KDM1B: variants seen among roughly 807,000 people sequenced by gnomAD.
The protein encoded by KDM1B is lysine demethylase 1B, also known as lysine-specific histone demethylase 2.
Under a neutral mutation model 107.4 loss-of-function variants are expected in KDM1B, and 63 were observed. The ratio of observed to expected loss-of-function variants is 0.59; its 90% confidence interval spans 0.48 to 0.72. The LOEUF (loss-of-function observed/expected upper bound fraction) is 0.72, where lower values mean the gene tolerates loss of function less well. Among genes scored for constraint, KDM1B ranks in the 30% least tolerant of loss-of-function variants. The pLI is 0.00. For missense variants in KDM1B, 749 were observed against 1,020.8 expected (o/e 0.73, Z 3.63); for synonymous variants, 363 against 363.9 (o/e 1.00, Z 0.03).
intron 12 of KDM1B, among the ~76,000 whole-genome samples, chr6:18,198,584 G>A (rs2150965131): frequency 7.6e-6 from 1 of 131,348 alleles, no homozygotes; most frequent in South Asian, 2.5e-4. Flanking sequence ...CTTGCAGTGA[G>A]CCAAGATTGC....
rs1748135 is a variant in KDM1B at position 18,186,897 on chromosome 6, A to G, written c.574-895A>G. Among the ~76,000 whole-genome samples the G allele has an allele frequency of 0.1, 15,890 of 152,010 alleles. 922 individuals carry two copies. The highest frequency in any genetic ancestry group is 0.22 in the South Asian group (1,054 of 4,808). On this transcript the variant is annotated intron_variant, in intron 8 of 21. Coordinates refer to ENST00000650836, the MANE Select transcript of KDM1B (RefSeq NM_001364614.2). This position sits in a 1 kb window ranked among gnomAD's most constrained non-coding sequence, Gnocchi z 5.6. ...CCCTGCCATGACACATGGGGATTATAGGAACTACAATTCAAGATGAGATTT... is the reference window on the plus strand; with the variant it reads ...CCCTGCCATGACACATGGGGATTATGGGAACTACAATTCAAGATGAGATTT...
chr6:18,161,211 C>A, intron 3 of KDM1B, 116 bp from the exon 4 acceptor site: 2 of 851,906 alleles, frequency 2.3e-6, no homozygotes, highest in Non-Finnish European at 3.8e-6. Context: ...AACCTACTGC[C>A]ATGATGTTTT....
chr6:18,217,070 T>A (rs1432650816), intron 20 of KDM1B, among the ~76,000 whole-genome samples: 1 of 127,604 alleles, frequency 7.8e-6, no homozygotes, highest in Admixed American at 7.8e-5. Flanking sequence ...CCTTTTCTTC[T>A]TGGGCCAGAG....
At chr6:18,208,088 G>A (rs214596) in intron 16 of KDM1B, 44 bp from the exon 17 acceptor site, 465,802 of 1,370,444 alleles carry the variant, frequency 0.34, 81,094 homozygotes, top group South Asian at 0.47. Context: ...CCTGGATCAC[G>A]TGGTTCCATC....
At chr6:18,157,226 G>A (rs1582063971) in intron 2 of KDM1B, among the ~76,000 whole-genome samples, 1 of 152,090 alleles carries the variant, frequency 6.6e-6, no homozygotes, top group East Asian at 1.9e-4. Flanking sequence ...CCAGCAAGTG[G>A]AGATATATAA....
intron 7 of KDM1B, among the ~76,000 whole-genome samples, chr6:18,177,233 G>A (rs529223081): frequency 6.6e-6 from 1 of 152,156 alleles, no homozygotes; most frequent in Admixed American, 6.6e-5. Context: ...TGTCTTCTAG[G>A]TTTTCTAGAT....
At chr6:18,198,794 T>G (rs1787835911) in intron 12 of KDM1B, among the ~76,000 whole-genome samples, 1 of 151,708 alleles carries the variant, frequency 6.6e-6, no homozygotes, top group Non-Finnish European at 1.5e-5. Context: ...CTACAGATTA[T>G]ATTACAAGGA....
chr6:18,188,025 C>G, intron 9 of KDM1B, 23 bp downstream of exon 9: 1 of 1,541,068 alleles, frequency 6.5e-7, no homozygotes, highest in Non-Finnish European at 8.8e-7. Flanking sequence ...CCTGGGACTC[C>G]CTGCTTTCTA....
In KDM1B at chr6:18,190,881, C is replaced by T. The variant is rs140888161; in HGVS notation, c.785-316C>T. 7.9e-3 allele frequency among the ~76,000 whole-genome samples: 1,155 copies of T among 146,558 alleles called. 11 individuals are homozygous for T. Among genetic ancestry groups the T allele is most frequent in the African/African-American group, 0.028 (1,095 of 38,598 alleles). On this transcript the variant is annotated intron_variant, in intron 9 of 21. Coordinates refer to ENST00000650836, the MANE Select transcript of KDM1B (RefSeq NM_001364614.2). ...GACCACTGCACTCCAGCCTGGGCAA[C>T]AGAGCAAGACTCTGTCTCAAAAAAA...
chr6:18,218,846 A>G (rs1164886706), intron 21 of KDM1B, among the ~76,000 whole-genome samples: 1 of 152,066 alleles, frequency 6.6e-6, no homozygotes, highest in Admixed American at 6.5e-5. Context: ...ATTACTGCAG[A>G]GTGTCCTCCT....
At chr6:18,206,942 G>A (rs1445458911) in intron 15 of KDM1B, among the ~76,000 whole-genome samples, 3 of 152,118 alleles carry the variant, frequency 2.0e-5, no homozygotes, top group African/African-American at 7.2e-5. Context: ...AGAACTCCAC[G>A]GATGATTTCA....
chr6:18,200,622 A>T lies in KDM1B; in HGVS notation c.1359+46A>T. 1 of 1,577,658 alleles carries T rather than the reference A, an allele frequency of 6.3e-7. No individual in the cohort carries two copies. The highest frequency in any genetic ancestry group is 1.2e-5 in the South Asian group (1 of 85,386). ...TGTTGTAGATAAAGGAAAGAAAAAC[A>T]GTTTCAATTTGCTTGTGTGCAGTAT... On this transcript the variant is annotated intron_variant, in intron 13 of 21. Transcript: ENST00000650836. The surrounding 1 kb of genome is among the most constrained non-coding windows in gnomAD (Gnocchi z 4.3).
chr6:18,202,763 G>A (rs1215326692), intron 14 of KDM1B, among the ~76,000 whole-genome samples: 1 of 152,124 alleles, frequency 6.6e-6, no homozygotes, highest in African/African-American at 2.4e-5. Flanking sequence ...CAGGGACTAT[G>A]TATCTCTTCT....
At chr6:18,161,209 G>A in intron 3 of KDM1B, 118 bp from the exon 4 acceptor site, 1 of 833,962 alleles carries the variant, frequency 1.2e-6, no homozygotes, top group Admixed American at 2.2e-5. Context: ...CTAACCTACT[G>A]CCATGATGTT....
intron 14 of KDM1B, among the ~76,000 whole-genome samples, chr6:18,202,395 ATTT>A (rs1788097011): frequency 6.7e-6 from 1 of 149,590 alleles, no homozygotes; most frequent in Non-Finnish European, 1.5e-5. Context: ...GCAAGACCCT[ATTT>A]CAAAAAAAAA....
chr6:18,173,591 A>G (rs933875119), intron 7 of KDM1B, among the ~76,000 whole-genome samples: 1 of 152,040 alleles, frequency 6.6e-6, no homozygotes, highest in Admixed American at 6.6e-5. Context: ...CCTTGTAAAC[A>G]TACTCTGTGA....
intron 17 of KDM1B, among the ~76,000 whole-genome samples, chr6:18,210,767 G>A (rs1788804539): frequency 6.6e-6 from 1 of 152,156 alleles, no homozygotes; most frequent in Non-Finnish European, 1.5e-5. Context: ...GGGAGGCTGA[G>A]GCGAGAAGAT....
At chr6:18,157,974 G>C (rs913418057) in intron 2 of KDM1B, among the ~76,000 whole-genome samples, 1 of 151,710 alleles carries the variant, frequency 6.6e-6, no homozygotes, top group African/African-American at 2.4e-5. Flanking sequence ...CACCACCCCC[G>C]GCTAATTTTT....
chr6:18,215,771 G>T (rs1405380425), intron 20 of KDM1B, among the ~76,000 whole-genome samples: 2 of 142,742 alleles, frequency 1.4e-5, no homozygotes, highest in African/African-American at 2.6e-5. Flanking sequence ...GGATATAAAA[G>T]GCTCGGTATT....
Sources: gnomAD v4.1 joint callset for allele counts (sites outside exome capture counted in the v4.1 genomes callset) on GRCh38, gnomAD v4.1.1 for gene constraint, Gnocchi (gnomAD v3.1) non-coding constraint, MANE v1.5 for transcripts, NCBI Gene and HGNC (gene_info 2026-07-23, HGNC 2026-07-21) for gene names.